Variants in DOK6 observed in about 807,000 individuals in gnomAD.
DOK6 encodes the protein docking protein 6, also known as downstream of tyrosine kinase 6.
In DOK6, 22 loss-of-function variants were observed where a neutral mutation model predicts 44.0. That is an observed-to-expected ratio of 0.50 (90% CI 0.36 to 0.71). The LOEUF (loss-of-function observed/expected upper bound fraction) is 0.71, where lower values mean the gene tolerates loss of function less well. Ranked by LOEUF, DOK6 falls within the 30% of genes least tolerant of loss-of-function variation. The pLI, the probability that DOK6 is intolerant of heterozygous loss-of-function variation, is 0.00. For missense variants in DOK6, 340 were observed against 416.4 expected, an observed-to-expected ratio of 0.82 and a Z score of 1.60; for synonymous variants, 166 against 145.5, an observed-to-expected ratio of 1.14 and a Z score of -1.01.
chr18:69,840,771 T>C (rs1194833656), intron 7 of DOK6, among the ~76,000 whole-genome samples: 1 of 152,200 alleles, frequency 6.6e-6, no homozygotes. Flanking sequence ...TGGTTACTGG[T>C]TAGGGTAAAG....
At chr18:69,691,340 A>C (rs983695219) in intron 4 of DOK6, among the ~76,000 whole-genome samples, 11 of 152,186 alleles carry the variant, frequency 7.2e-5, no homozygotes, top group Non-Finnish European at 1.0e-4. Context: ...TAATTCATTG[A>C]AAGTCTTTTA....
chr18:69,425,834 C>A (rs1468405504), intron 1 of DOK6, among the ~76,000 whole-genome samples: 2 of 151,972 alleles, frequency 1.3e-5, no homozygotes, highest in African/African-American at 4.8e-5. Flanking sequence ...TGAAATATTT[C>A]TTTAAATATT....
chr18:69,510,197 T>A (rs1981326898), intron 1 of DOK6, among the ~76,000 whole-genome samples: 1 of 152,224 alleles, frequency 6.6e-6, no homozygotes, highest in South Asian at 2.1e-4. Flanking sequence ...CAGAGAGCAA[T>A]GAAATACAAG....
chr18:69,713,082 T>C (rs1368510281), intron 5 of DOK6, among the ~76,000 whole-genome samples: 4 of 152,204 alleles, frequency 2.6e-5, no homozygotes, highest in African/African-American at 9.6e-5. Context: ...TCACAAATGA[T>C]CACTGAGTTT....
At chr18:69,551,981 C>G (rs958666957) in intron 1 of DOK6, among the ~76,000 whole-genome samples, 2 of 152,192 alleles carry the variant, frequency 1.3e-5, no homozygotes, top group African/African-American at 4.8e-5. Flanking sequence ...GCTATTCAGG[C>G]AAGCCCGATC....
intron 5 of DOK6, among the ~76,000 whole-genome samples, chr18:69,738,181 G>T (rs1275823803): frequency 6.6e-6 from 1 of 152,162 alleles, no homozygotes; most frequent in Non-Finnish European, 1.5e-5. Flanking sequence ...TCATAGAGAA[G>T]AATCTAAAAT....
At chr18:69,449,423 A>T (rs1979391032) in intron 1 of DOK6, among the ~76,000 whole-genome samples, 1 of 152,216 alleles carries the variant, frequency 6.6e-6, no homozygotes, top group Admixed American at 6.5e-5. Context: ...CTAGATAATA[A>T]GTTCATATCT....
chr18:69,554,452 G>C (rs1226585698), intron 1 of DOK6, among the ~76,000 whole-genome samples: 1 of 152,150 alleles, frequency 6.6e-6, no homozygotes, highest in Non-Finnish European at 1.5e-5. Flanking sequence ...TTTGTGTCTG[G>C]ATTATTTTAT....
rs190418172 is a variant in DOK6 at position 69,599,980 on chromosome 18, T to G, written c.289+482T>G. Among the ~76,000 whole-genome samples the G allele has an allele frequency of 4.2e-3, 634 of 152,344 alleles. 8 individuals are homozygous for G. The highest frequency in any genetic ancestry group is 0.014 in the African/African-American group (587 of 41,586). ...ACATTTCAGATTGAATTTTAGCATC[T>G]CAGTTCGTAAAGCACTCTGACATTA... On this transcript the variant is annotated intron_variant, in intron 3 of 7. Coordinates refer to ENST00000382713, the MANE Select transcript of DOK6 (RefSeq NM_152721.6).
At chr18:69,694,427 TTTATA>T (rs869260598) in intron 4 of DOK6, among the ~76,000 whole-genome samples, 18 of 150,990 alleles carry the variant, frequency 1.2e-4, no homozygotes, top group African/African-American at 7.3e-5. Context: ...GGATGCAATA[TTTATA>T]TTATAATAAA....
intron 1 of DOK6, among the ~76,000 whole-genome samples, chr18:69,561,558 C>T (rs1408426902): frequency 6.6e-6 from 1 of 151,974 alleles, no homozygotes; most frequent in Non-Finnish European, 1.5e-5. Context: ...GTGTGAAATA[C>T]AGGAGCTTTA....
At chr18:69,744,587 C>T (rs1978917929) in intron 6 of DOK6, among the ~76,000 whole-genome samples, 2 of 152,026 alleles carry the variant, frequency 1.3e-5, no homozygotes, top group Non-Finnish European at 1.5e-5. Flanking sequence ...TACTGTTGTT[C>T]AGTTTCAGAA....
chr18:69,489,887 C>T (rs139445430), intron 1 of DOK6, among the ~76,000 whole-genome samples: 290 of 147,154 alleles, frequency 2.0e-3, no homozygotes, highest in African/African-American at 6.7e-3. Flanking sequence ...TTAGGAAGAA[C>T]AGTTTTGAAG....
chr18:69,508,771 A>T (rs541868238), intron 1 of DOK6, among the ~76,000 whole-genome samples: 9 of 152,318 alleles, frequency 5.9e-5, no homozygotes, highest in African/African-American at 1.9e-4. Context: ...CATGATGCTT[A>T]TGCAGTCTGT....
chr18:69,488,569 C>A (rs1251608721), intron 1 of DOK6, among the ~76,000 whole-genome samples: 2 of 152,162 alleles, frequency 1.3e-5, no homozygotes, highest in Non-Finnish European at 2.9e-5. Flanking sequence ...GCTGAGGAGG[C>A]CTCACAATCA....
chr18:69,582,349 G>C (rs549545007), intron 2 of DOK6, among the ~76,000 whole-genome samples: 68 of 152,284 alleles, frequency 4.5e-4, no homozygotes, highest in Admixed American at 8.5e-4. Flanking sequence ...TGAATATTAT[G>C]AAATATGCCT....
chr18:69,679,406 C>A (rs942340040), intron 4 of DOK6, among the ~76,000 whole-genome samples: 2 of 152,046 alleles, frequency 1.3e-5, no homozygotes, highest in African/African-American at 4.8e-5. Context: ...ATAATAAGTT[C>A]CAAATATTGC....
intron 4 of DOK6, among the ~76,000 whole-genome samples, chr18:69,684,250 T>C (rs1460822840): frequency 6.6e-6 from 1 of 152,216 alleles, no homozygotes; most frequent in Non-Finnish European, 1.5e-5. Flanking sequence ...AGGTCAAAGC[T>C]ATATTTATTT....
At chr18:69,429,634 T>C (rs1478197972) in intron 1 of DOK6, among the ~76,000 whole-genome samples, 6 of 31,342 alleles carry the variant, frequency 1.9e-4, no homozygotes, top group Admixed American at 3.7e-4. Flanking sequence ...TATATATATA[T>C]ATATATATAT....
Sources: gnomAD v4.1 joint callset for allele counts (sites outside exome capture counted in the v4.1 genomes callset) on GRCh38, gnomAD v4.1.1 for gene constraint, MANE v1.5 for transcripts, NCBI Gene and HGNC (gene_info 2026-07-23, HGNC 2026-07-21) for gene names.